The following DNAJC3 variants were observed in gnomAD, a reference collection of about 807,000 sequenced individuals.
DNAJC3 encodes the protein DnaJ heat shock protein family (Hsp40) member C3.
A neutral mutation model predicts 68.6 loss-of-function variants in DNAJC3; 38 were observed. The observed-to-expected ratio is 0.55, with a 90% confidence interval of 0.43 to 0.73. The LOEUF is 0.73. DNAJC3 is among the 30% of genes least tolerant of loss of function. The probability of loss-of-function intolerance (pLI) is 0.00; values close to 1 mark genes in which losing one functional copy is unlikely to be tolerated. For missense variants in DNAJC3, 526 were observed against 591.9 expected, an observed-to-expected ratio of 0.89 and a Z score of 1.16; for synonymous variants, 203 against 204.0, an observed-to-expected ratio of 1.00 and a Z score of 0.04.
chr13:95,685,424 A>G (rs1880047891), intron 1 of DNAJC3, among the ~76,000 whole-genome samples: 1 of 152,214 alleles, frequency 6.6e-6, no homozygotes, highest in Non-Finnish European at 1.5e-5. Flanking sequence ...TCTTGGAAGT[A>G]ATTAACTTGT....
At chr13:95,703,358 T>C (rs1429746689) in intron 1 of DNAJC3, among the ~76,000 whole-genome samples, 1 of 152,234 alleles carries the variant, frequency 6.6e-6, no homozygotes, top group African/African-American at 2.4e-5. Context: ...ACTTCAGTAC[T>C]ATGCTTGGGA....
intron 4 of DNAJC3, chr13:95,742,589 C>G (rs774592922): frequency 6.3e-6 from 3 of 474,664 alleles, no homozygotes; most frequent in African/African-American, 2.0e-5. Context: ...GGCTCTTATC[C>G]CAGCCAAGCA....
At chr13:95,782,921 T>G (rs1261266631) in intron 9 of DNAJC3, among the ~76,000 whole-genome samples, 1 of 152,216 alleles carries the variant, frequency 6.6e-6, no homozygotes, top group Non-Finnish European at 1.5e-5. Flanking sequence ...TGCCTAGGTT[T>G]TCTTCTAGGG....
intron 4 of DNAJC3, among the ~76,000 whole-genome samples, chr13:95,737,725 T>C (rs1157058397): frequency 6.6e-6 from 1 of 150,494 alleles, no homozygotes; most frequent in South Asian, 2.1e-4. Context: ...TTTTCTTTAT[T>C]AGTCTTGCTA....
chr13:95,693,061 C>T (rs1880323462), intron 1 of DNAJC3: 1 of 152,012 alleles, frequency 6.6e-6, no homozygotes, highest in Admixed American at 6.6e-5. Context: ...ACCTCGTGAT[C>T]TGCCTGCCTC....
At chr13:95,728,842 A>C (rs1259125644) in intron 4 of DNAJC3, among the ~76,000 whole-genome samples, 6 of 152,166 alleles carry the variant, frequency 3.9e-5, no homozygotes, top group Non-Finnish European at 7.3e-5. Context: ...CTATTTTGAA[A>C]TAGACAATAT....
intron 4 of DNAJC3, among the ~76,000 whole-genome samples, chr13:95,726,349 T>C (rs543407547): frequency 6.6e-6 from 1 of 152,348 alleles, no homozygotes; most frequent in African/African-American, 2.4e-5. Context: ...GTTTCCTGAC[T>C]TTTTAATGAT....
intron 1 of DNAJC3, among the ~76,000 whole-genome samples, chr13:95,699,059 A>T (rs2033862811): frequency 6.6e-6 from 1 of 152,234 alleles, no homozygotes; most frequent in South Asian, 2.1e-4. Flanking sequence ...AGCTGGGAAC[A>T]TCTCAGTGAG....
intron 2 of DNAJC3, among the ~76,000 whole-genome samples, chr13:95,718,246 A>G (rs1881213562): frequency 6.6e-6 from 1 of 152,236 alleles, no homozygotes; most frequent in Admixed American, 6.5e-5. Flanking sequence ...CCAGTCTTGT[A>G]TTGGTAAAAA....
chr13:95,772,029 A>G (rs897363052), intron 9 of DNAJC3, among the ~76,000 whole-genome samples: 1 of 152,238 alleles, frequency 6.6e-6, no homozygotes, highest in East Asian at 1.9e-4. Flanking sequence ...TAGTAAATAG[A>G]GACCCTGCGC....
intron 1 of DNAJC3, among the ~76,000 whole-genome samples, chr13:95,707,216 C>G (rs899928929): frequency 1.3e-5 from 2 of 152,156 alleles, no homozygotes; most frequent in Non-Finnish European, 2.9e-5. Flanking sequence ...GGAAGCAGAG[C>G]TCAGGTGGTA....
At chr13:95,691,803 G>A (rs1389107940) in intron 1 of DNAJC3, among the ~76,000 whole-genome samples, 4 of 152,232 alleles carry the variant, frequency 2.6e-5, no homozygotes, top group African/African-American at 7.2e-5. Context: ...CTGCAATCCC[G>A]GCACCTTGGG....
At chr13:95,735,864 C>G (rs1359678314) in intron 4 of DNAJC3, among the ~76,000 whole-genome samples, 29 of 151,422 alleles carry the variant, frequency 1.9e-4, no homozygotes, top group Admixed American at 3.3e-4. Flanking sequence ...TGTTGCCATT[C>G]CTTTTGGTGT....
intron 2 of DNAJC3, among the ~76,000 whole-genome samples, chr13:95,718,017 A>T (rs935408903): frequency 6.6e-6 from 1 of 152,088 alleles, no homozygotes; most frequent in Admixed American, 6.5e-5. Flanking sequence ...TAATTTTCTC[A>T]TATTTGAATT....
At chr13:95,732,775 A>T (rs1881758273) in intron 4 of DNAJC3, among the ~76,000 whole-genome samples, 1 of 149,606 alleles carries the variant, frequency 6.7e-6, no homozygotes, top group African/African-American at 2.5e-5. Context: ...TTTATTTGAA[A>T]TCTTTTTTTT....
intron 11 of DNAJC3, among the ~76,000 whole-genome samples, chr13:95,789,809 A>AT (rs1428926684): frequency 4.6e-5 from 7 of 151,892 alleles, no homozygotes; most frequent in South Asian, 2.1e-4. Flanking sequence ...GGCAGCATCT[A>AT]TTTTTTTTAC....
rs75256567 is a variant in DNAJC3 at position 95,773,157 on chromosome 13, T to C, written c.1075+9204T>C. Reference sequence around the variant, plus strand: ...GATGGTTTTTGACAAATTTAGTTTTTTTTTTTTTTTTCATTTTGTTTTTGC... The same window carrying C: ...GATGGTTTTTGACAAATTTAGTTTTCTTTTTTTTTTTCATTTTGTTTTTGC... On this transcript the variant is annotated intron_variant, in intron 9 of 11. Transcript: ENST00000602402. 1.0e-4 allele frequency among the ~76,000 whole-genome samples: 15 copies of C among 150,546 alleles called. No homozygotes were observed. In the South Asian group the frequency reaches 3.1e-3, roughly 32 times the overall value.
chr13:95,690,138 C>T (rs1270978321), intron 1 of DNAJC3, among the ~76,000 whole-genome samples: 1 of 151,770 alleles, frequency 6.6e-6, no homozygotes, highest in African/African-American at 2.4e-5. Context: ...TGCGGCCTTC[C>T]ACAGTGTTTG....
rs1385378897 is a variant in DNAJC3 at position 95,785,971 on chromosome 13, A to G, written c.1108A>G (p.Asn370Asp). 1 of 1,610,512 alleles carries G rather than the reference A, an allele frequency of 6.2e-7. No homozygotes were observed. Among genetic ancestry groups the G allele is most frequent in the Non-Finnish European group, 8.5e-7 (1 of 1,178,824 alleles). ...IQDYETAQEHNENDQQIREGL... is the reference protein window; with the variant it reads ...IQDYETAQEHDENDQQIREGL... ...GGATTATGAAACTGCTCAGGAACAC[A>G]ATGAAAATGATCAGCAGATTCGAGA... The change falls in exon 10 of 12, where the codon AAT becomes GAT. Residue 370 changes from asparagine to aspartate, a missense_variant. Coordinates refer to ENST00000602402, the MANE Select transcript of DNAJC3 (RefSeq NM_006260.5).
Sources: gnomAD v4.1 joint callset for allele counts (sites outside exome capture counted in the v4.1 genomes callset) on GRCh38, gnomAD v4.1.1 for gene constraint, MANE v1.5 for transcripts, NCBI Gene and HGNC (gene_info 2026-07-23, HGNC 2026-07-21) for gene names.